Variants in SCOC observed in about 807,000 individuals in gnomAD.
The protein encoded by SCOC is short coiled coil protein.
Under a neutral mutation model 9.9 loss-of-function variants are expected in SCOC, and 7 were observed. That is an observed-to-expected ratio of 0.71 (90% confidence interval 0.40 to 1.33). The LOEUF (loss-of-function observed/expected upper bound fraction) is 1.33. Ranked by LOEUF, SCOC falls within the 40% of genes most tolerant of loss-of-function variation. SCOC has a pLI of 0.01. For missense variants in SCOC, 66 were observed against 89.7 expected (o/e 0.74, Z 1.07); for synonymous variants, 19 against 28.2 (o/e 0.67, Z 1.03).
upstream of SCOC, among the ~76,000 whole-genome samples, chr4:140,341,024 C>T (rs569965405): frequency 1.3e-5 from 2 of 151,880 alleles, no homozygotes; most frequent in South Asian, 4.2e-4. Flanking sequence ...TCTCGAACTC[C>T]TGACCTTGTG....
At chr4:140,337,355 T>C (rs1163252537) in intron 1 of SCOC, among the ~76,000 whole-genome samples, 1 of 152,126 alleles carries the variant, frequency 6.6e-6, no homozygotes, top group Non-Finnish European at 1.5e-5. Context: ...TGCAAGGGAC[T>C]CTAAATACAC....
At chr4:140,287,625 T>C (rs1731331689) in intron 1 of SCOC, among the ~76,000 whole-genome samples, 1 of 152,000 alleles carries the variant, frequency 6.6e-6, no homozygotes, top group Non-Finnish European at 1.5e-5. Flanking sequence ...CACACATGCA[T>C]ATGCACATGC....
At chr4:140,264,033 G>T (rs984983664) in intron 1 of SCOC, among the ~76,000 whole-genome samples, 1 of 151,868 alleles carries the variant, frequency 6.6e-6, no homozygotes, top group Non-Finnish European at 1.5e-5. Context: ...AGGGTCGCTT[G>T]CTGTTGCCTA....
At chr4:140,320,442 T>C (rs948850920) in intron 1 of SCOC, among the ~76,000 whole-genome samples, 6 of 152,298 alleles carry the variant, frequency 3.9e-5, no homozygotes, top group Admixed American at 3.3e-4. Context: ...TTCACTTTAC[T>C]GTATGGACTT....
At chr4:140,273,348 C>A (rs1730893469) in intron 1 of SCOC, among the ~76,000 whole-genome samples, 1 of 152,162 alleles carries the variant, frequency 6.6e-6, no homozygotes. Flanking sequence ...TTTCAACATT[C>A]TTTTCCCTCT....
intron 1 of SCOC, among the ~76,000 whole-genome samples, chr4:140,310,488 C>T (rs1512171): frequency 0.085 from 12,927 of 152,228 alleles, 694 homozygotes; most frequent in African/African-American, 0.15. Flanking sequence ...CAGGAACTTT[C>T]GCTCTATGTG....
chr4:140,375,389 C>T (rs1294111504), intron 1 of SCOC, among the ~76,000 whole-genome samples: 1 of 152,190 alleles, frequency 6.6e-6, no homozygotes, highest in Non-Finnish European at 1.5e-5. Context: ...CGGTTATTAT[C>T]CACATTTTAC....
At chr4:140,288,599 A>G (rs1365160614) in intron 1 of SCOC, among the ~76,000 whole-genome samples, 3 of 151,872 alleles carry the variant, frequency 2.0e-5, no homozygotes, top group Non-Finnish European at 2.9e-5. Flanking sequence ...CATATCACAC[A>G]TCACATACAC....
chr4:140,298,991 A>AT (rs1483162902), intron 1 of SCOC, among the ~76,000 whole-genome samples: 1 of 151,582 alleles, frequency 6.6e-6, no homozygotes, highest in Non-Finnish European at 1.5e-5. Flanking sequence ...AATTTTTTCT[A>AT]TTTTTTTGTG....
intron 1 of SCOC, among the ~76,000 whole-genome samples, chr4:140,338,248 G>A (rs1470288341): frequency 6.6e-6 from 1 of 152,042 alleles, no homozygotes; most frequent in Non-Finnish European, 1.5e-5. Flanking sequence ...AAATTCAACA[G>A]CCCTTCATGC....
intron 1 of SCOC, among the ~76,000 whole-genome samples, chr4:140,296,695 G>A (rs913032672): frequency 6.6e-6 from 1 of 151,952 alleles, no homozygotes; most frequent in Non-Finnish European, 1.5e-5. Context: ...CCCCTGAAAT[G>A]TCTATTGATC....
intron 1 of SCOC, among the ~76,000 whole-genome samples, chr4:140,293,105 C>A (rs1373556717): frequency 6.6e-6 from 1 of 152,244 alleles, no homozygotes; most frequent in South Asian, 2.1e-4. Context: ...GCAAACTCCA[C>A]TGTACGTGTA....
intron 1 of SCOC, among the ~76,000 whole-genome samples, chr4:140,313,735 T>C (rs998439795): frequency 6.6e-6 from 1 of 151,890 alleles, no homozygotes; most frequent in East Asian, 1.9e-4. Context: ...TAATACGCAA[T>C]GTAAAGCCAA....
chr4:140,358,112 T>G (rs1001729921), intron 2 of SCOC, among the ~76,000 whole-genome samples: 1 of 152,188 alleles, frequency 6.6e-6, no homozygotes, highest in African/African-American at 2.4e-5. Context: ...CTTCCCCTGA[T>G]TCACACTCCC....
intron 2 of SCOC, among the ~76,000 whole-genome samples, chr4:140,345,500 G>T (rs946212462): frequency 1.3e-5 from 2 of 152,090 alleles, no homozygotes; most frequent in Non-Finnish European, 2.9e-5. Context: ...CATTTGACCT[G>T]GTAACACTGG....
upstream of SCOC, among the ~76,000 whole-genome samples, chr4:140,372,053 CTAGAG>C (rs1379094798): frequency 6.6e-6 from 1 of 152,084 alleles, no homozygotes; most frequent in Non-Finnish European, 1.5e-5. Context: ...GGTGAGGTAC[CTAGAG>C]TAGTCAAACT....
chr4:140,369,918 G>GCCC (rs1170326039), upstream of SCOC, among the ~76,000 whole-genome samples: 1 of 104,864 alleles, frequency 9.5e-6, no homozygotes, highest in African/African-American at 3.6e-5. Flanking sequence ...CGCTCTTGTT[G>GCCC]TCCAGGTTGG....
intron 1 of SCOC, among the ~76,000 whole-genome samples, chr4:140,287,299 AT>A (rs1731311073): frequency 9.5e-6 from 1 of 104,952 alleles, no homozygotes; most frequent in African/African-American, 9.6e-5. Context: ...CCATGCACAC[AT>A]AGATACCATA....
chr4:140,354,320 C>G (rs1016775389), intron 2 of SCOC, among the ~76,000 whole-genome samples: 1 of 152,036 alleles, frequency 6.6e-6, no homozygotes, highest in African/African-American at 2.4e-5. Context: ...TGCTTTGAGC[C>G]CTTTGCCATA....
Sources: gnomAD v4.1 joint callset for allele counts (sites outside exome capture counted in the v4.1 genomes callset) on GRCh38, gnomAD v4.1.1 for gene constraint, MANE v1.5 for transcripts, NCBI Gene and HGNC (gene_info 2026-07-23, HGNC 2026-07-21) for gene names.